Variants in NSMCE1 observed in about 807,000 individuals in gnomAD.
The protein encoded by NSMCE1 is non-structural maintenance of chromosomes element 1 homolog.
A neutral mutation model predicts 29.6 loss-of-function variants in NSMCE1; 18 were observed. That is an observed-to-expected ratio of 0.61 (90% CI 0.42 to 0.90). NSMCE1 has a LOEUF of 0.90. Among genes scored for constraint, NSMCE1 ranks in the 40% least tolerant of loss-of-function variants. The pLI is 0.00. For missense variants in NSMCE1, 314 were observed against 343.6 expected, an observed-to-expected ratio of 0.91 and a Z score of 0.68; for synonymous variants, 124 against 133.4, an observed-to-expected ratio of 0.93 and a Z score of 0.49.
At chr16:27,225,670 A>G in intron 7 of NSMCE1, 56 bp downstream of exon 7, 1 of 1,606,364 alleles carries the variant, frequency 6.2e-7, no homozygotes. Context: ...CCCTGGCACC[A>G]GGCCCCACGT....
At chr16:27,233,969 C>A (rs1339687335) in intron 4 of NSMCE1, 2 of 542,238 alleles carry the variant, frequency 3.7e-6, no homozygotes, top group African/African-American at 3.9e-5. Context: ...ACACCTGGCC[C>A]AGCACTTCCT....
chr16:27,261,633 A>C (rs2084158790), intron 1 of NSMCE1, among the ~76,000 whole-genome samples: 1 of 152,206 alleles, frequency 6.6e-6, no homozygotes, highest in Non-Finnish European at 1.5e-5. Flanking sequence ...AGTTCTACCA[A>C]ATAGTCTAAA....
intron 1 of NSMCE1, among the ~76,000 whole-genome samples, chr16:27,263,676 G>A (rs542750621): frequency 6.6e-6 from 1 of 152,246 alleles, no homozygotes; most frequent in Admixed American, 6.5e-5. Context: ...AAACCTTCAC[G>A]TGTGCTGCCA....
chr16:27,227,878 C>T (rs1433941796), intron 5 of NSMCE1, among the ~76,000 whole-genome samples: 1 of 151,664 alleles, frequency 6.6e-6, no homozygotes, highest in Admixed American at 6.6e-5. Context: ...TTCCGCATCC[C>T]GGGTTCAAGC....
intron 2 of NSMCE1, among the ~76,000 whole-genome samples, chr16:27,237,926 C>T (rs2083843966): frequency 2.0e-5 from 3 of 152,270 alleles, no homozygotes; most frequent in African/African-American, 7.2e-5. Flanking sequence ...ACTGCTTGGG[C>T]GCTCCCGTTC....
chr16:27,243,769 G>A (rs1229162513), intron 2 of NSMCE1, among the ~76,000 whole-genome samples: 1 of 152,128 alleles, frequency 6.6e-6, no homozygotes, highest in Non-Finnish European at 1.5e-5. Flanking sequence ...CCCCACCTCA[G>A]TCTCCCCAGT....
intron 4 of NSMCE1, 178 bp downstream of exon 4, chr16:27,234,010 C>G: frequency 1.7e-6 from 1 of 573,134 alleles, no homozygotes; most frequent in South Asian, 2.2e-5. Context: ...CCCCTGGCAG[C>G]TGTGAGTTCC....
chr16:27,245,484 T>C (rs2141000481), intron 2 of NSMCE1, among the ~76,000 whole-genome samples: 1 of 152,332 alleles, frequency 6.6e-6, no homozygotes, highest in South Asian at 2.1e-4. Context: ...AGCAACTCCA[T>C]GCTGGCCTGA....
chr16:27,250,843 G>GTTTTT (rs200523800), intron 2 of NSMCE1, among the ~76,000 whole-genome samples: 2 of 122,842 alleles, frequency 1.6e-5, no homozygotes, highest in African/African-American at 6.1e-5. Context: ...AATTTTAACT[G>GTTTTT]TTTTTTTTTT....
At chr16:27,228,135 C>T (rs1015052396) in intron 5 of NSMCE1, among the ~76,000 whole-genome samples, 2 of 152,156 alleles carry the variant, frequency 1.3e-5, no homozygotes, top group Non-Finnish European at 2.9e-5. Flanking sequence ...CACCTTCATC[C>T]CCACAGTGCA....
At chr16:27,235,046 T>C (rs2083803722) in intron 3 of NSMCE1, 132 bp downstream of exon 3, 1 of 772,698 alleles carries the variant, frequency 1.3e-6, no homozygotes, top group Non-Finnish European at 2.1e-6. Flanking sequence ...ATTCCTAATA[T>C]TCTATACATT....
intron 1 of NSMCE1, chr16:27,266,542 A>G (rs889528147): frequency 6.6e-6 from 1 of 152,072 alleles, no homozygotes; most frequent in Non-Finnish European, 1.5e-5. Flanking sequence ...GCTTGAACCC[A>G]GGAGGTGGAG....
chr16:27,242,853 G>A (rs2083909288), intron 2 of NSMCE1, among the ~76,000 whole-genome samples: 1 of 152,242 alleles, frequency 6.6e-6, no homozygotes, highest in Non-Finnish European at 1.5e-5. Context: ...CCATGCAGGA[G>A]CCCTCGCAGA....
intron 2 of NSMCE1, among the ~76,000 whole-genome samples, chr16:27,238,245 CCA>C (rs1369728733): frequency 1.3e-5 from 2 of 152,194 alleles, no homozygotes; most frequent in Non-Finnish European, 2.9e-5. Context: ...TCTCTAACAG[CCA>C]CACACAGTCT....
chr16:27,242,037 G>A (rs1464828015), intron 2 of NSMCE1: 9 of 312,642 alleles, frequency 2.9e-5, no homozygotes, highest in African/African-American at 6.5e-5. Flanking sequence ...TCAAAATAAC[G>A]TGGGTAAGCA....
chr16:27,240,272 G>A (rs940427948), intron 2 of NSMCE1, among the ~76,000 whole-genome samples: 27 of 152,310 alleles, frequency 1.8e-4, no homozygotes, highest in African/African-American at 5.5e-4. Context: ...GGGCCAACAG[G>A]GAAGGATGGA....
At chr16:27,225,577 CA>C in intron 7 of NSMCE1, 148 bp downstream of exon 7, 1 of 897,008 alleles carries the variant, frequency 1.1e-6, no homozygotes, top group Non-Finnish European at 1.7e-6. Flanking sequence ...TTACTTCCTG[CA>C]GTGGCTTCTT....
intron 2 of NSMCE1, among the ~76,000 whole-genome samples, chr16:27,236,292 CTTTTTTTT>C (rs35108912): frequency 3.3e-5 from 3 of 92,114 alleles, no homozygotes; most frequent in East Asian, 4.0e-4. Flanking sequence ...TGCTGTGAAA[CTTTTTTTT>C]TTTTTTTTTT....
chr16:27,254,547 T>G (rs1242785561), intron 2 of NSMCE1, among the ~76,000 whole-genome samples: 2 of 152,234 alleles, frequency 1.3e-5, no homozygotes, highest in African/African-American at 2.4e-5. Context: ...AGAAAAGGAC[T>G]AAATTGTCGT....
Sources: allele counts gnomAD v4.1 joint callset (sites outside exome capture counted in the v4.1 genomes callset), GRCh38; gene constraint gnomAD v4.1.1; transcripts MANE v1.5; gene names NCBI Gene and HGNC (gene_info 2026-07-23, HGNC 2026-07-21).